The following KIAA1217 variants were observed in gnomAD, a reference collection of about 807,000 sequenced individuals.
KIAA1217 encodes sickle tail protein homolog.
A neutral mutation model predicts 163.9 loss-of-function variants in KIAA1217; 88 were observed. The observed-to-expected ratio is 0.54, with a 90% confidence interval of 0.45 to 0.64. KIAA1217 has a LOEUF of 0.64. Among genes scored for constraint, KIAA1217 ranks in the 30% least tolerant of loss-of-function variants. The probability of loss-of-function intolerance (pLI) is 0.00; values close to 1 mark genes in which losing one functional copy is unlikely to be tolerated. For missense variants in KIAA1217, 2,372 were observed against 2,475.0 expected (o/e 0.96, Z 0.88); for synonymous variants, 903 against 923.1 (o/e 0.98, Z 0.39).
intron 18 of KIAA1217, 34 bp downstream of exon 18, chr10:24,542,804 C>G (rs1345978587): frequency 6.2e-7 from 1 of 1,611,676 alleles, no homozygotes; most frequent in South Asian, 1.1e-5. Flanking sequence ...CGACCAATAC[C>G]ATGCACATTA....
chr10:24,346,475 AAATAAT>A lies in KIAA1217; in HGVS notation c.355-34383_355-34378del, dbSNP rs199962983. Among the ~76,000 whole-genome samples the A allele has an allele frequency of 2.7e-3, 418 of 152,144 alleles. 2 individuals carry two copies. Among genetic ancestry groups the A allele is most frequent in the Admixed American group, 0.02 (304 of 15,274 alleles). On this transcript the variant is annotated intron_variant, in intron 2 of 20. Coordinates refer to ENST00000376454, the MANE Select transcript of KIAA1217 (RefSeq NM_019590.5). ...GGACAGAGCGAGACTCCGTCTCAAA[AAATAAT>A]AATAATAATATTTCTTTGTATGTCT...
chr10:24,001,646 A>G (rs1440809953), intron 1 of KIAA1217, among the ~76,000 whole-genome samples: 1 of 152,208 alleles, frequency 6.6e-6, no homozygotes, highest in Non-Finnish European at 1.5e-5. Flanking sequence ...AGGTTAACTG[A>G]TATAGAAAGT....
At chr10:24,097,120 A>G (rs971872894) in intron 2 of KIAA1217, among the ~76,000 whole-genome samples, 1 of 152,236 alleles carries the variant, frequency 6.6e-6, no homozygotes, top group African/African-American at 2.4e-5. Flanking sequence ...GGGGAAACCA[A>G]CAACACTATT....
intron 1 of KIAA1217, among the ~76,000 whole-genome samples, chr10:23,768,048 G>T (rs774542492): frequency 3.9e-5 from 6 of 152,228 alleles, no homozygotes; most frequent in Non-Finnish European, 8.8e-5. Flanking sequence ...CCTGGGAGAA[G>T]TTACCTCCCA....
chr10:23,723,167 C>A (rs375321563), intron 1 of KIAA1217, among the ~76,000 whole-genome samples: 3 of 152,154 alleles, frequency 2.0e-5, no homozygotes, highest in African/African-American at 7.2e-5. Context: ...CCACTTTAGC[C>A]TGCTTGACTC....
chr10:24,075,233 G>C (rs2061333159), intron 2 of KIAA1217, among the ~76,000 whole-genome samples: 1 of 151,558 alleles, frequency 6.6e-6, no homozygotes, highest in African/African-American at 2.4e-5. Flanking sequence ...AATGAAGGCA[G>C]TCCTCCCTGC....
intron 2 of KIAA1217, among the ~76,000 whole-genome samples, chr10:24,129,039 A>G (rs1188968221): frequency 6.6e-6 from 1 of 152,196 alleles, no homozygotes; most frequent in East Asian, 1.9e-4. Context: ...ATAGGGTAGT[A>G]ATCCTTTCTC....
intron 1 of KIAA1217, among the ~76,000 whole-genome samples, chr10:23,908,892 T>A (rs1842301069): frequency 6.6e-6 from 1 of 152,070 alleles, no homozygotes; most frequent in Non-Finnish European, 1.5e-5. Flanking sequence ...ACTGGGTGTA[T>A]ACCTTGAGGA....
chr10:24,367,690 A>G (rs890112341), intron 2 of KIAA1217, among the ~76,000 whole-genome samples: 6 of 152,178 alleles, frequency 3.9e-5, no homozygotes, highest in Non-Finnish European at 8.8e-5. Context: ...CATTTTACTT[A>G]TATACATTTT....
chr10:24,413,276 C>T lies in KIAA1217; in HGVS notation c.554-19719C>T, dbSNP rs535563313. Among the ~76,000 whole-genome samples the T allele has an allele frequency of 1.4e-3, 216 of 152,282 alleles. 1 individual carries two copies. The highest frequency in any genetic ancestry group is 4.9e-3 in the African/African-American group (205 of 41,554). On this transcript the variant is annotated intron_variant, in intron 3 of 20. Transcript: ENST00000376454. ...TCTCAGCTCACTGCAACCTCCACCT[C>T]CTGGGTTTAAGTGATTCTCCTGTCT...
At chr10:23,955,788 T>C (rs141178497) in intron 1 of KIAA1217, among the ~76,000 whole-genome samples, 31 of 152,378 alleles carry the variant, frequency 2.0e-4, no homozygotes, top group African/African-American at 7.5e-4. Flanking sequence ...CCATTATTTC[T>C]GTTGTTGAGC....
chr10:23,889,202 C>T (rs1311177867), intron 1 of KIAA1217, among the ~76,000 whole-genome samples: 2 of 151,794 alleles, frequency 1.3e-5, no homozygotes, highest in Non-Finnish European at 2.9e-5. Context: ...TGGCTCATAG[C>T]GTGTATAACT....
intron 2 of KIAA1217, among the ~76,000 whole-genome samples, chr10:24,142,771 G>A (rs2064142612): frequency 6.6e-6 from 1 of 152,162 alleles, no homozygotes; most frequent in Admixed American, 6.5e-5. Context: ...GTGACCAAGA[G>A]CTGTTACTGA....
At chr10:24,462,897 G>A (rs981835199) in intron 5 of KIAA1217, among the ~76,000 whole-genome samples, 14 of 152,172 alleles carry the variant, frequency 9.2e-5, no homozygotes, top group Admixed American at 5.2e-4. Flanking sequence ...AGTTGTAGTT[G>A]GGTGCCGCAG....
At chr10:23,833,312 C>G (rs1838297600) in intron 1 of KIAA1217, among the ~76,000 whole-genome samples, 1 of 152,020 alleles carries the variant, frequency 6.6e-6, no homozygotes, top group African/African-American at 2.4e-5. Flanking sequence ...TCACAACTTT[C>G]ACTGAACAAC....
At chr10:24,343,567 A>T (rs941306838) in intron 2 of KIAA1217, among the ~76,000 whole-genome samples, 1 of 152,232 alleles carries the variant, frequency 6.6e-6, no homozygotes, top group Non-Finnish European at 1.5e-5. Flanking sequence ...TATTTTTCCC[A>T]TAGAAATTTA....
intron 4 of KIAA1217, among the ~76,000 whole-genome samples, chr10:24,437,969 C>T (rs536485649): frequency 6.5e-4 from 93 of 143,626 alleles, no homozygotes; most frequent in African/African-American, 2.4e-3. Context: ...ATTAGATAAG[C>T]AGCAAACCAG....
At chr10:24,417,763 G>A (rs564204646) in intron 3 of KIAA1217, among the ~76,000 whole-genome samples, 2 of 152,154 alleles carry the variant, frequency 1.3e-5, no homozygotes, top group East Asian at 3.9e-4. Flanking sequence ...TTTTAAAAAT[G>A]AGCTTGAAAA....
At chr10:23,946,694 TA>T (rs2131345974) in intron 1 of KIAA1217, among the ~76,000 whole-genome samples, 1 of 152,292 alleles carries the variant, frequency 6.6e-6, no homozygotes, top group East Asian at 1.9e-4. Context: ...ACAGCCTACA[TA>T]AAAACTCTTC....
Sources: gnomAD v4.1 joint callset for allele counts (sites outside exome capture counted in the v4.1 genomes callset) on GRCh38, gnomAD v4.1.1 for gene constraint, MANE v1.5 for transcripts, NCBI Gene and HGNC (gene_info 2026-07-23, HGNC 2026-07-21) for gene names.